Variants in CABIN1 observed in about 807,000 individuals in gnomAD.
CABIN1 encodes the protein calcineurin binding protein 1.
In CABIN1, 133 loss-of-function variants were observed where a neutral mutation model predicts 227.7. The observed-to-expected ratio is 0.58, with a 90% CI of 0.51 to 0.67. The LOEUF (loss-of-function observed/expected upper bound fraction) is 0.67, where lower values mean the gene tolerates loss of function less well. Ranked by LOEUF, CABIN1 falls within the 30% of genes least tolerant of loss-of-function variation. The probability of loss-of-function intolerance (pLI) is 0.00; values close to 1 mark genes in which losing one functional copy is unlikely to be tolerated. For missense variants in CABIN1, 2,408 were observed against 2,852.5 expected (o/e 0.84, Z 3.55); for synonymous variants, 1,086 against 1,155.1 (o/e 0.94, Z 1.21).
In CABIN1 at chr22:24,087,493, G is replaced by A. The variant is rs781020990; in HGVS notation, c.3305G>A (p.Arg1102His). ...GGCATGGCTCTGGCCCGGGCCAGCCGCATTCAGGACAAGCTGAACTCCAAT... is the reference window on the plus strand; with the variant it reads ...GGCATGGCTCTGGCCCGGGCCAGCCACATTCAGGACAAGCTGAACTCCAAT... ...WAGMALARAS[R>H]IQDKLNSNEL... The change falls in exon 23 of 37, where the codon CGC becomes CAC. Residue 1102 changes from arginine (R) to histidine (H), a missense_variant. By Grantham distance (29) the Arg-to-His change is conservative (BLOSUM62 0). Around this residue, in one of 3 missense-constraint regions of CABIN1, gnomAD observed 649 missense variants for 910.3 expected, o/e 0.71. Coordinates refer to ENST00000263119, the MANE Select transcript of CABIN1 (RefSeq NM_012295.4). The A allele has an allele frequency of 1.2e-5, 19 of 1,613,938 alleles. No homozygotes were observed. Among genetic ancestry groups the A allele is most frequent in the South Asian group, 4.4e-5 (4 of 91,090 alleles).
At position 24,101,083 on chromosome 22, in the gene CABIN1, G is replaced by A. The variant is rs138743594; in HGVS notation, c.4117+2891G>A. ...AGCAGCAGCTCCTGAGTGGGCTTGG[G>A]CATGGGGCTTTCTGGATCCTGGTTT... On this transcript the variant is annotated intron_variant, in intron 26 of 36. Coordinates refer to ENST00000263119, the MANE Select transcript of CABIN1 (RefSeq NM_012295.4). Among the ~76,000 whole-genome samples the A allele has an allele frequency of 2.0e-5, 3 of 152,306 alleles. No individual in the cohort carries two copies. The East Asian group carries it at 5.8e-4, about 29-fold the overall frequency.
intron 27 of CABIN1, among the ~76,000 whole-genome samples, chr22:24,114,285 A>G (rs2042965757): frequency 6.6e-6 from 1 of 152,118 alleles, no homozygotes; most frequent in African/African-American, 2.4e-5. Context: ...CAGTTGGCAG[A>G]GCCCCACATC....
intron 25 of CABIN1, among the ~76,000 whole-genome samples, 174 bp downstream of exon 25, chr22:24,096,256 G>C (rs999767161): frequency 6.6e-6 from 1 of 152,188 alleles, no homozygotes; most frequent in African/African-American, 2.4e-5. Flanking sequence ...AGGTATTTCT[G>C]TTGAGTCTGA....
intron 26 of CABIN1, among the ~76,000 whole-genome samples, chr22:24,098,889 G>A (rs568147915): frequency 2.4e-4 from 36 of 152,338 alleles, no homozygotes; most frequent in African/African-American, 7.5e-4. Flanking sequence ...CTAAAGTGGA[G>A]TCCTGGGAGG....
Position 24,113,739 on chromosome 22 carries a change from G to A in CABIN1, c.4291G>A (p.Glu1431Lys). ...GGGTAAAGATCTTCAGGGGGCCACA[G>A]AAGAAAGAGGTATGAAGCCCTAACT... ...ATGKDLQGAT[E>K]ERGKNEESLE... The change falls in exon 27 of 37, where the codon GAA becomes AAA. Residue 1431 changes from glutamate to lysine, a missense_variant. Glu to Lys is a moderately conservative substitution (Grantham distance 56). Around this residue, in one of 3 missense-constraint regions of CABIN1, gnomAD observed 649 missense variants for 910.3 expected, o/e 0.71. Coordinates refer to ENST00000263119, the MANE Select transcript of CABIN1 (RefSeq NM_012295.4). 6.2e-7 allele frequency: 1 copy of A among 1,613,882 alleles called. No individual in the cohort carries two copies. The highest frequency in any genetic ancestry group is 8.5e-7 in the Non-Finnish European group (1 of 1,180,030).
At chr22:24,036,537 G>A (rs1221410407) in intron 3 of CABIN1, among the ~76,000 whole-genome samples, 1 of 152,088 alleles carries the variant, frequency 6.6e-6, no homozygotes, top group African/African-American at 2.4e-5. Flanking sequence ...TTTACAGTGT[G>A]ATGAGACTCT....
At chr22:24,162,054 C>G (rs1185261851) in intron 29 of CABIN1, 1 of 152,286 alleles carries the variant, frequency 6.6e-6, no homozygotes, top group African/African-American at 2.4e-5. Flanking sequence ...GGGTCTCTTG[C>G]TGCAAACACA....
Position 24,165,530 on chromosome 22 carries a change from G to A in CABIN1, c.4911G>A (p.Lys1637=), listed in dbSNP as rs2046396275. 6.2e-7 allele frequency: 1 copy of A among 1,612,260 alleles called. No homozygotes were observed. The highest frequency in any genetic ancestry group is 8.5e-7 in the Non-Finnish European group (1 of 1,179,600). The part of the protein sequence containing the change: ...SMLQRTPDQG[K]KYLRDADRQV... ...TCTGACTACCCCTGTATGACCGCAG[G>A]AAGTATCTGCGAGATGCTGACCGCC... Residue 1637 remains lysine (K), a splice_region_variant and synonymous_variant, in exon 31 of 37, where the codon AAG becomes AAA. Transcript: ENST00000263119.
intron 29 of CABIN1, among the ~76,000 whole-genome samples, chr22:24,148,128 C>T (rs1349251967): frequency 3.3e-5 from 5 of 152,164 alleles, no homozygotes; most frequent in Non-Finnish European, 7.3e-5. Context: ...GGCAGTGCCA[C>T]CACTACACTG....
chr22:24,070,646 C>CT (rs1285278721), intron 16 of CABIN1, among the ~76,000 whole-genome samples, 154 bp from the exon 17 acceptor site: 2 of 152,270 alleles, frequency 1.3e-5, no homozygotes, highest in African/African-American at 4.8e-5. Context: ...TTCTAGGCAC[C>CT]TCCGGGCTGC....
chr22:24,025,888 C>A (rs990099214), intron 1 of CABIN1, among the ~76,000 whole-genome samples: 6 of 151,350 alleles, frequency 4.0e-5, no homozygotes, highest in Non-Finnish European at 8.8e-5. Context: ...GGCTGGAGTG[C>A]GGTGGCACAA....
rs1569112630 is a variant in CABIN1, at chr22:24,042,878, T to TGTGTGTG, written c.346-26_346-25insGTGTGTG. On this transcript the variant is annotated intron_variant, in intron 5 of 36. Transcript: ENST00000263119. Reference sequence around the variant, plus strand: ...TGTGTGTGTGTGTGTGTGTGTGTGTTTGCCCTCTGCTTGTGTCGCTTCCAG... The same window carrying TGTGTGTG: ...TGTGTGTGTGTGTGTGTGTGTGTGTTGTGTGTGTGCCCTCTGCTTGTGTCGCTTCCAG... The TGTGTGTG allele has an allele frequency of 6.4e-5, 61 of 952,264 alleles. No individual in the cohort carries two copies. The African/African-American group carries it at 9.8e-4, about 15-fold the overall frequency. 59.0% of individuals were successfully genotyped at this position (952,264 alleles called of 1,614,324 possible).
At chr22:24,115,485 C>T (rs1197009055) in intron 27 of CABIN1, among the ~76,000 whole-genome samples, 1 of 152,234 alleles carries the variant, frequency 6.6e-6, no homozygotes, top group Admixed American at 6.5e-5. Context: ...GGCCATGTTG[C>T]TCCTCTCTAA....
chr22:24,089,612 C>A (rs183408340), intron 23 of CABIN1, among the ~76,000 whole-genome samples: 29 of 152,300 alleles, frequency 1.9e-4, no homozygotes, highest in African/African-American at 4.8e-4. Flanking sequence ...TTTTTTCCAC[C>A]TCTGGAGAGA....
intron 10 of CABIN1, among the ~76,000 whole-genome samples, chr22:24,057,403 C>T (rs1418068064): frequency 6.6e-6 from 1 of 152,180 alleles, no homozygotes; most frequent in Non-Finnish European, 1.5e-5. Flanking sequence ...CACCATTCTT[C>T]ATTTGCACTG....
intron 28 of CABIN1, among the ~76,000 whole-genome samples, chr22:24,124,760 G>T (rs568600846): frequency 6.6e-6 from 1 of 152,230 alleles, no homozygotes; most frequent in Admixed American, 6.5e-5. Context: ...AAAGGCCAAG[G>T]CATAGACACC....
Position 24,177,664 on chromosome 22 carries a change from C to T in CABIN1, c.6366C>T (p.Ser2122=), listed in dbSNP as rs1312128654. 5.6e-6 allele frequency: 9 copies of T among 1,613,890 alleles called. No individual in the cohort carries two copies. The highest frequency in any genetic ancestry group is 2.2e-5 in the East Asian group (1 of 44,880). The stretch of plus-strand genomic sequence containing the variant: ...GTCACCCAGGCAAGCCTGAGCCCAG[C>T]CGGGCTAAGTCCCGCCCCCTGCCCA... ...PEGHPGKPEP[S]RAKSRPLPNM... Residue 2122 remains serine (S), a synonymous_variant, in exon 36 of 37, where the codon AGC becomes AGT. Transcript: ENST00000263119. The surrounding 1 kb of genome is among the most constrained non-coding windows in gnomAD (Gnocchi z 4.4).
rs1201445963 is a variant in CABIN1 at position 24,060,063 on chromosome 22, C to T, written c.1539C>T (p.Ser513=). ...CAGGCTTGGCGGAGGTCGTGCTCAGCGTCTACCACAGCTGGAGGAGGCACA... is the reference window on the plus strand; with the variant it reads ...CAGGCTTGGCGGAGGTCGTGCTCAGTGTCTACCACAGCTGGAGGAGGCACA... ...WPPGLAEVVL[S]VYHSWRRHST... The change falls in exon 12 of 37, where the codon AGC becomes AGT. Residue 513 remains serine, a synonymous_variant. Coordinates refer to ENST00000263119, the MANE Select transcript of CABIN1 (RefSeq NM_012295.4). 8 of 1,614,116 alleles carry T rather than the reference C, an allele frequency of 5.0e-6. No homozygotes were observed. The highest frequency in any genetic ancestry group is 4.5e-5 in the East Asian group (2 of 44,876).
Position 24,166,062 on chromosome 22 carries a change from C to T in CABIN1, c.5007+436C>T, listed in dbSNP as rs567425534. Among the ~76,000 whole-genome samples, 21 of 152,308 alleles carry T rather than the reference C, an allele frequency of 1.4e-4. No homozygotes were observed. In the East Asian group the frequency reaches 2.7e-3, roughly 20 times the overall value. ...CCAGGGAGGTTAAGCAGCCAGCCTA[C>T]GAGGTGGGGCTGTTGGGAGTTGAGC... On this transcript the variant is annotated intron_variant, in intron 31 of 36. Transcript: ENST00000263119.
Sources: allele counts gnomAD v4.1 joint callset (sites outside exome capture counted in the v4.1 genomes callset), GRCh38; gene constraint gnomAD v4.1.1; regional missense constraint gnomAD v4.1.1; non-coding constraint Gnocchi (gnomAD v3.1); transcripts MANE v1.5; gene names NCBI Gene and HGNC (gene_info 2026-07-23, HGNC 2026-07-21).